TCFL5: variants seen among roughly 807,000 people sequenced by gnomAD.
The protein encoded by TCFL5 is transcription factor-like 5 protein.
In TCFL5, 9 loss-of-function variants were observed where a neutral mutation model predicts 44.3. The observed-to-expected ratio is 0.20, with a 90% CI of 0.12 to 0.35. The LOEUF (loss-of-function observed/expected upper bound fraction) is 0.35, where lower values mean the gene tolerates loss of function less well. TCFL5 is among the 10% of genes least tolerant of loss of function. The pLI is 1.00. For missense variants in TCFL5, 603 were observed against 613.4 expected (o/e 0.98, Z 0.18); for synonymous variants, 319 against 271.6 (o/e 1.17, Z -1.72).
intron 3 of TCFL5, among the ~76,000 whole-genome samples, chr20:62,859,014 G>A (rs1223429480): frequency 6.6e-6 from 1 of 152,180 alleles, no homozygotes; most frequent in Non-Finnish European, 1.5e-5. Flanking sequence ...GATGTTAGAT[G>A]ACTGCCTCAC....
chr20:62,860,894 G>T, intron 1 of TCFL5, 130 bp downstream of exon 1: 1 of 775,790 alleles, frequency 1.3e-6, no homozygotes, highest in Non-Finnish European at 1.6e-6. Context: ...GGTGAGGTCC[G>T]CGCCCTGTGC....
chr20:62,845,466 C>T, intron 5 of TCFL5: 1 of 1,360,428 alleles, frequency 7.4e-7, no homozygotes, highest in South Asian at 1.6e-5. Context: ...TTTAAAATGA[C>T]CCCACATTTT....
intron 5 of TCFL5, chr20:62,844,832 G>A: frequency 1.0e-6 from 1 of 968,592 alleles, no homozygotes; most frequent in Non-Finnish European, 1.2e-6. Flanking sequence ...CTGACCTCAG[G>A]TGATCCACCC....
At chr20:62,860,928 G>T in intron 1 of TCFL5, 96 bp downstream of exon 1, 1 of 918,726 alleles carries the variant, frequency 1.1e-6, no homozygotes, top group Non-Finnish European at 1.3e-6. Flanking sequence ...GGCTGGGGGC[G>T]TGCACAGCGA....
chr20:62,848,133 A>G (rs1375228978), intron 5 of TCFL5, among the ~76,000 whole-genome samples: 1 of 152,234 alleles, frequency 6.6e-6, no homozygotes, highest in African/African-American at 2.4e-5. Flanking sequence ...AGGGCCTGAC[A>G]ACAGACAGCA....
At position 62,861,551 on chromosome 20, in the gene TCFL5, C is replaced by A; in HGVS notation, c.120G>T (p.Thr40=). ...TCTCCACCAGGCTCAGGTCGGTGGTCGTGAAGCTCAGCCCCGGCTCGCCCA... is the reference window on the plus strand; with the variant it reads ...TCTCCACCAGGCTCAGGTCGGTGGTAGTGAAGCTCAGCCCCGGCTCGCCCA... ...AALGEPGLSF[T]TTDLSLVEMT... The change falls in exon 1 of 6, where the codon ACG becomes ACT. Residue 40 remains threonine, a synonymous_variant. Transcript: ENST00000335351. The surrounding 1 kb of genome is among the most constrained non-coding windows in gnomAD (Gnocchi z 4.0). 8.7e-7 allele frequency: 1 copy of A among 1,145,772 alleles called. No homozygotes were observed. The highest frequency in any genetic ancestry group is 3.0e-5 in the South Asian group (1 of 32,804). 71.0% of individuals were successfully genotyped at this position (1,145,772 alleles called of 1,614,324 possible).
At chr20:62,851,421 C>T (rs2063807971) in intron 5 of TCFL5, 1 of 674,594 alleles carries the variant, frequency 1.5e-6, no homozygotes, top group African/African-American at 2.0e-5. Flanking sequence ...ATTATAAATG[C>T]CTTCGTCTTG....
In TCFL5 at chr20:62,861,398, C is replaced by CGCGCCT; in HGVS notation, c.267_272dup (p.Ala91_Gly92dup). On this transcript the variant is annotated inframe_insertion, in exon 1 of 6. Coordinates refer to ENST00000335351, the MANE Select transcript of TCFL5 (RefSeq NM_006602.4). This position sits in a 1 kb window ranked among gnomAD's most constrained non-coding sequence, Gnocchi z 4.0. ...CCTGACCGCCCGCCGCGAAGCCGCCCGCGCCTGCGCCCGGGCCCGCCGCCG... is the reference window on the plus strand; with the variant it reads ...CCTGACCGCCCGCCGCGAAGCCGCCCGCGCCTGCGCCTGCGCCCGGGCCCGCCGCCG... The CGCGCCT allele has an allele frequency of 9.2e-7, 1 of 1,086,402 alleles. No homozygotes were observed. The highest frequency in any genetic ancestry group is 1.1e-6 in the Non-Finnish European group (1 of 897,996). The allele number at this position is 1,086,402 out of a possible 1,614,324, so 67.3% of individuals were successfully genotyped here. A position where few individuals can be genotyped will look rare whatever the true frequency, so the allele number is the denominator to read the frequency against.
chr20:62,855,559 G>A (rs946015535), intron 4 of TCFL5, among the ~76,000 whole-genome samples: 8 of 152,196 alleles, frequency 5.3e-5, no homozygotes, highest in African/African-American at 1.9e-4. Context: ...CTGAGGTGAG[G>A]AGTTCGAGAC....
chr20:62,857,414 G>C lies in TCFL5; in HGVS notation c.1219C>G (p.Arg407Gly). ...TATTACCTTCTATCTCTTTCCATTC[G>C]GTTATGCCTCTCCCTACGTTGAGAC... ...GRSQRRERHN[R>G]MERDRRRRIR... Residue 407 changes from arginine (R) to glycine (G), a missense_variant, in exon 4 of 6, where the codon CGA (arginine) becomes GGA (glycine). Arg to Gly is a moderately radical substitution (Grantham distance 125). Transcript: ENST00000335351. 1 of 1,614,100 alleles carries C rather than the reference G, an allele frequency of 6.2e-7. No individual in the cohort carries two copies. Among genetic ancestry groups the C allele is most frequent in the Non-Finnish European group, 8.5e-7 (1 of 1,180,028 alleles).
intron 5 of TCFL5, among the ~76,000 whole-genome samples, chr20:62,850,606 C>G (rs796808251): frequency 9.2e-5 from 14 of 152,288 alleles, no homozygotes; most frequent in African/African-American, 3.4e-4. Context: ...TTTCCACTCT[C>G]ACCCCAGCCC....
At chr20:62,846,220 C>G (rs985034163) in intron 5 of TCFL5, 2 of 720,890 alleles carry the variant, frequency 2.8e-6, no homozygotes, top group Non-Finnish European at 4.0e-6. Context: ...CATAACTAGG[C>G]GCTCGCAAGA....
intron 4 of TCFL5, 136 bp downstream of exon 4, chr20:62,857,259 G>A: frequency 7.9e-7 from 1 of 1,265,002 alleles, no homozygotes; most frequent in Non-Finnish European, 1.1e-6. Flanking sequence ...TGATCCATCT[G>A]GGAAAGCTAA....
At chr20:62,859,598 T>C in intron 2 of TCFL5, 72 bp from the exon 3 acceptor site, 5 of 1,410,962 alleles carry the variant, frequency 3.5e-6, no homozygotes, top group South Asian at 1.3e-5. Flanking sequence ...ACAAATGAAA[T>C]GCACTTAACA....
At chr20:62,859,717 T>C (rs2063957739) in intron 2 of TCFL5, among the ~76,000 whole-genome samples, 191 bp from the exon 3 acceptor site, 1 of 144,360 alleles carries the variant, frequency 6.9e-6, no homozygotes. Flanking sequence ...TTTTTTGTTT[T>C]TGTTTTTTTG....
intron 4 of TCFL5, among the ~76,000 whole-genome samples, chr20:62,856,664 CCACTG>C (rs1007798718): frequency 2.7e-5 from 4 of 146,452 alleles, no homozygotes; most frequent in Admixed American, 1.4e-4. Context: ...AGAGATCGCG[CCACTG>C]CACTCCAGCC....
At chr20:62,845,090 C>T (rs973318090) in intron 5 of TCFL5, 6 of 987,750 alleles carry the variant, frequency 6.1e-6, no homozygotes, top group Non-Finnish European at 7.2e-6. Context: ...TCAGAATCTA[C>T]ACCTGCATAT....
rs2063993192 is a variant in TCFL5, at chr20:62,861,032, C to T, written c.639G>A (p.Ala213=). The change falls in exon 1 of 6, where the codon GCG becomes GCA. Residue 213 remains alanine (A), a synonymous_variant. Coordinates refer to ENST00000335351, the MANE Select transcript of TCFL5 (RefSeq NM_006602.4). This position sits in a 1 kb window ranked among gnomAD's most constrained non-coding sequence, Gnocchi z 4.0. ...RGPEPPEPGG[A]LNNLVTLIRH... is the part of the protein sequence containing the mutation. ...GGCCGCCGGGCACGCACTTGTTGAG[C>T]GCCCCGCCCGGCTCGGGGGGCTCGG... 6.0e-6 allele frequency: 6 copies of T among 994,258 alleles called. No homozygotes were observed. Among genetic ancestry groups the T allele is most frequent in the Non-Finnish European group, 6.0e-6 (5 of 836,988 alleles). 61.6% of individuals were successfully genotyped at this position (994,258 alleles called of 1,614,324 possible). A position where few individuals can be genotyped will look rare whatever the true frequency, so the allele number is the denominator to read the frequency against.
At chr20:62,849,109 G>A (rs2063777974) in intron 5 of TCFL5, among the ~76,000 whole-genome samples, 1 of 151,972 alleles carries the variant, frequency 6.6e-6, no homozygotes, top group Non-Finnish European at 1.5e-5. Context: ...AGGTTGCAGT[G>A]AGCTAAGATG....
Sources: gnomAD v4.1 joint callset for allele counts (sites outside exome capture counted in the v4.1 genomes callset) on GRCh38, gnomAD v4.1.1 for gene constraint, Gnocchi (gnomAD v3.1) non-coding constraint, MANE v1.5 for transcripts, NCBI Gene and HGNC (gene_info 2026-07-23, HGNC 2026-07-21) for gene names.